The following SPIDR variants were observed in gnomAD, a reference collection of about 807,000 sequenced individuals.
SPIDR encodes the protein DNA repair-scaffolding protein.
Under a neutral mutation model 104.6 loss-of-function variants are expected in SPIDR, and 93 were observed. The ratio of observed to expected loss-of-function variants is 0.89; its 90% CI spans 0.75 to 1.06. The LOEUF (loss-of-function observed/expected upper bound fraction) is 1.06. SPIDR is among the 50% of genes least tolerant of loss of function. The pLI, the probability that SPIDR is intolerant of heterozygous loss-of-function variation, is 0.00. For synonymous variants in SPIDR, 431 were observed against 416.9 expected (o/e 1.03, Z -0.41); for missense variants, 1,154 against 1,111.2 (o/e 1.04, Z -0.55).
At chr8:47,624,500 A>G (rs1183247225) in intron 10 of SPIDR, among the ~76,000 whole-genome samples, 1 of 152,142 alleles carries the variant, frequency 6.6e-6, no homozygotes, top group Non-Finnish European at 1.5e-5. Flanking sequence ...CAAGACTAAT[A>G]AAGAAGAAAA....
chr8:47,581,738 T>C (rs1588032981), intron 8 of SPIDR, among the ~76,000 whole-genome samples: 1 of 151,980 alleles, frequency 6.6e-6, no homozygotes, highest in East Asian at 1.9e-4. Flanking sequence ...TAGCTAACCA[T>C]TAAAAGAGGG....
chr8:47,421,690 T>G (rs1452589624), intron 7 of SPIDR, among the ~76,000 whole-genome samples: 2 of 152,244 alleles, frequency 1.3e-5, no homozygotes, highest in Non-Finnish European at 2.9e-5. Context: ...GGCTCTCTGC[T>G]TTTTAGAATT....
At chr8:47,620,425 A>G (rs769083015) in intron 10 of SPIDR, among the ~76,000 whole-genome samples, 1 of 150,778 alleles carries the variant, frequency 6.6e-6, no homozygotes, top group Non-Finnish European at 1.5e-5. Flanking sequence ...CAGGCACCAC[A>G]CCTGGCTAAT....
chr8:47,615,914 A>C (rs1001899428), intron 10 of SPIDR, among the ~76,000 whole-genome samples: 1 of 151,638 alleles, frequency 6.6e-6, no homozygotes, highest in Admixed American at 6.6e-5. Context: ...CCTTATTTAC[A>C]TTTCTATTTT....
Position 47,713,023 on chromosome 8 carries a change from A to G in SPIDR, c.2188+151A>G, listed in dbSNP as rs1288387518. 5.6e-6 allele frequency: 8 copies of G among 1,416,808 alleles called. No individual in the cohort carries two copies. In the Admixed American group the frequency reaches 1.2e-4, roughly 22 times the overall value. 87.8% of individuals were successfully genotyped at this position (1,416,808 alleles called of 1,614,324 possible). A position where few individuals can be genotyped will look rare whatever the true frequency, so the allele number is the denominator to read the frequency against. On this transcript the variant is annotated intron_variant, in intron 15 of 19. Coordinates refer to ENST00000297423, the MANE Select transcript of SPIDR (RefSeq NM_001080394.4). ...AGACATGGCCCATGTACCAGCCTCC[A>G]GCCTTCACTGACCCTGTAGCAGCCA... is the stretch of plus-strand genomic sequence containing the variant.
chr8:47,734,001 C>T (rs1039558999), intron 19 of SPIDR, among the ~76,000 whole-genome samples: 1 of 152,190 alleles, frequency 6.6e-6, no homozygotes, highest in East Asian at 1.9e-4. Flanking sequence ...GAGTTGGCGT[C>T]AGTAGCGTTC....
At chr8:47,677,843 G>A (rs1018906728) in intron 11 of SPIDR, among the ~76,000 whole-genome samples, 5 of 152,194 alleles carry the variant, frequency 3.3e-5, no homozygotes, top group African/African-American at 9.7e-5. Context: ...TTGGTGAGAT[G>A]TTATCTGTGG....
chr8:47,496,028 ATT>A (rs1203214869), intron 8 of SPIDR, among the ~76,000 whole-genome samples: 1 of 152,194 alleles, frequency 6.6e-6, no homozygotes, highest in African/African-American at 2.4e-5. Flanking sequence ...GATAAATACA[ATT>A]AATTTTTGTA....
intron 8 of SPIDR, among the ~76,000 whole-genome samples, chr8:47,489,758 T>A (rs1210905277): frequency 6.6e-6 from 1 of 152,216 alleles, no homozygotes; most frequent in African/African-American, 2.4e-5. Context: ...GGGAAAGGAT[T>A]CCCTATTTAA....
chr8:47,330,484 C>T (rs2048474832), intron 5 of SPIDR, among the ~76,000 whole-genome samples: 1 of 152,164 alleles, frequency 6.6e-6, no homozygotes, highest in Non-Finnish European at 1.5e-5. Context: ...AGTGACACTG[C>T]ACTAAAAATC....
chr8:47,642,781 C>T (rs866180060), intron 10 of SPIDR, among the ~76,000 whole-genome samples: 18 of 152,014 alleles, frequency 1.2e-4, no homozygotes, highest in Middle Eastern at 3.2e-3. Flanking sequence ...TGATGGTGCA[C>T]GCCTGTAGTC....
intron 10 of SPIDR, among the ~76,000 whole-genome samples, chr8:47,645,936 T>G (rs1479485102): frequency 6.6e-6 from 1 of 152,208 alleles, no homozygotes; most frequent in East Asian, 1.9e-4. Flanking sequence ...AAGTTTTTTC[T>G]TGATTTTTCA....
At chr8:47,619,616 C>T (rs997454752) in intron 10 of SPIDR, among the ~76,000 whole-genome samples, 4 of 120,164 alleles carry the variant, frequency 3.3e-5, no homozygotes, top group Non-Finnish European at 8.1e-5. Flanking sequence ...ATGTATATTA[C>T]CCTTTTTTTT....
rs530352688 is a variant in SPIDR at position 47,321,675 on chromosome 8, T to C, written c.525+27645T>C. Among the ~76,000 whole-genome samples the C allele has an allele frequency of 1.0e-3, 152 of 152,262 alleles. 1 individual carries two copies. Among genetic ancestry groups the C allele is most frequent in the African/African-American group, 3.3e-3 (136 of 41,564 alleles). On this transcript the variant is annotated intron_variant, in intron 5 of 19. Transcript: ENST00000297423. ...TGAAAGAACAAAGCTGGAGGCATCG[T>C]GCTACCTGACTTCAAACTATACTAC...
intron 5 of SPIDR, among the ~76,000 whole-genome samples, chr8:47,387,407 G>A (rs1351798584): frequency 6.6e-6 from 1 of 152,166 alleles, no homozygotes; most frequent in Non-Finnish European, 1.5e-5. Flanking sequence ...GCAGACCCTG[G>A]CAGGAGGGCA....
chr8:47,386,918 T>G (rs960850758), intron 5 of SPIDR, among the ~76,000 whole-genome samples: 36 of 90,918 alleles, frequency 4.0e-4, no homozygotes, highest in South Asian at 6.0e-4. Flanking sequence ...TAGATATAGA[T>G]ATAGATATAG....
At chr8:47,670,900 T>C (rs2075699591) in intron 10 of SPIDR, among the ~76,000 whole-genome samples, 1 of 152,198 alleles carries the variant, frequency 6.6e-6, no homozygotes, top group Non-Finnish European at 1.5e-5. Flanking sequence ...GAGTACGTAA[T>C]TTAGAAATCA....
At chr8:47,578,827 AC>A (rs1314858279) in intron 8 of SPIDR, among the ~76,000 whole-genome samples, 1 of 152,236 alleles carries the variant, frequency 6.6e-6, no homozygotes, top group Non-Finnish European at 1.5e-5. Flanking sequence ...TTAAAGTAGC[AC>A]ATACAATCAT....
intron 7 of SPIDR, among the ~76,000 whole-genome samples, chr8:47,410,455 A>AGGC (rs2154325552): frequency 6.6e-6 from 1 of 152,222 alleles, no homozygotes; most frequent in Non-Finnish European, 1.5e-5. Context: ...TGCTGGGATT[A>AGGC]CAGGTGTGAG....
Sources: gnomAD v4.1 joint callset for allele counts (sites outside exome capture counted in the v4.1 genomes callset) on GRCh38, gnomAD v4.1.1 for gene constraint, MANE v1.5 for transcripts, NCBI Gene and HGNC (gene_info 2026-07-23, HGNC 2026-07-21) for gene names.